NKAIN3: variants seen among roughly 807,000 people sequenced by gnomAD.
The protein encoded by NKAIN3 is sodium/potassium-transporting ATPase subunit beta-1-interacting protein 3.
Under a neutral mutation model 30.2 loss-of-function variants are expected in NKAIN3, and 25 were observed. That is an observed-to-expected ratio of 0.83 (90% confidence interval 0.60 to 1.16). The LOEUF (loss-of-function observed/expected upper bound fraction) is 1.16, where lower values mean the gene tolerates loss of function less well. NKAIN3 is among the 50% of genes most tolerant of loss of function. The pLI is 0.00. For synonymous variants in NKAIN3, 91 were observed against 89.6 expected (o/e 1.02, Z -0.09); for missense variants, 225 against 254.1 (o/e 0.89, Z 0.78).
At position 62,450,857 on chromosome 8, in the gene NKAIN3, T is replaced by C. The variant is rs553113069; in HGVS notation, c.55-128682T>C. On this transcript the variant is annotated intron_variant, in intron 1 of 6. Coordinates refer to ENST00000623646, the MANE Select transcript of NKAIN3 (RefSeq NM_001304533.3). ...AAGAATGTCTTATGTTATTGTGGTG[T>C]GATATATTTTGAACACACTTCACTA... Among the ~76,000 whole-genome samples, 33 of 152,246 alleles carry C rather than the reference T, an allele frequency of 2.2e-4. No homozygotes were observed. The Middle Eastern group carries it at 0.014, about 63-fold the overall frequency.
intron 1 of NKAIN3, among the ~76,000 whole-genome samples, chr8:62,484,577 C>A (rs1401117750): frequency 6.6e-6 from 1 of 152,190 alleles, no homozygotes; most frequent in Non-Finnish European, 1.5e-5. Flanking sequence ...TATCTCAAAT[C>A]TTCGTTTACA....
At chr8:62,290,350 G>T (rs1174812646) in intron 1 of NKAIN3, among the ~76,000 whole-genome samples, 1 of 152,100 alleles carries the variant, frequency 6.6e-6, no homozygotes, top group African/African-American at 2.4e-5. Context: ...TCCAGTTTTT[G>T]CCCATTCAGT....
chr8:62,675,595 G>A (rs1170549077), intron 3 of NKAIN3, among the ~76,000 whole-genome samples: 2 of 152,090 alleles, frequency 1.3e-5, no homozygotes, highest in Admixed American at 1.3e-4. Context: ...TGAGGGCTGG[G>A]GACTCTAAGA....
intron 4 of NKAIN3, among the ~76,000 whole-genome samples, chr8:62,849,885 T>C (rs555705265): frequency 6.6e-6 from 1 of 152,218 alleles, no homozygotes; most frequent in East Asian, 1.9e-4. Context: ...TCCAAGTCTT[T>C]GCTATTGTGA....
At chr8:62,502,226 T>G (rs1040013468) in intron 1 of NKAIN3, among the ~76,000 whole-genome samples, 1 of 152,186 alleles carries the variant, frequency 6.6e-6, no homozygotes, top group African/African-American at 2.4e-5. Flanking sequence ...TATATTTTAT[T>G]CTCCTTGCCC....
chr8:62,504,721 C>T (rs1276780269), intron 1 of NKAIN3, among the ~76,000 whole-genome samples: 4 of 152,122 alleles, frequency 2.6e-5, no homozygotes, highest in Non-Finnish European at 4.4e-5. Flanking sequence ...CTTCTTAAAA[C>T]CCTTCAGTAG....
intron 1 of NKAIN3, among the ~76,000 whole-genome samples, chr8:62,405,884 A>T (rs1015073685): frequency 1.3e-5 from 2 of 152,228 alleles, no homozygotes; most frequent in African/African-American, 4.8e-5. Context: ...TTAGAAGCTC[A>T]CTGATTTCTC....
At chr8:62,322,799 A>T (rs868509287) in intron 1 of NKAIN3, among the ~76,000 whole-genome samples, 1 of 152,318 alleles carries the variant, frequency 6.6e-6, no homozygotes, top group Middle Eastern at 3.4e-3. Flanking sequence ...AACGTAACTG[A>T]TAAAGGGCTA....
chr8:62,729,801 G>T lies in NKAIN3; in HGVS notation c.274-17131G>T, dbSNP rs974469574. On this transcript the variant is annotated intron_variant, in intron 3 of 6. Coordinates refer to ENST00000623646, the MANE Select transcript of NKAIN3 (RefSeq NM_001304533.3). ...CATTCATACAAATTCATTAATTTTTGATAGACATTTAGATGGCTTCCAATC... is the reference window on the plus strand; with the variant it reads ...CATTCATACAAATTCATTAATTTTTTATAGACATTTAGATGGCTTCCAATC... Among the ~76,000 whole-genome samples, 4 of 152,216 alleles carry T rather than the reference G, an allele frequency of 2.6e-5. No individual in the cohort carries two copies. The East Asian group carries it at 5.8e-4, about 22-fold the overall frequency.
At position 62,563,234 on chromosome 8, in the gene NKAIN3, TAGAA is replaced by T. The variant is rs570542746; in HGVS notation, c.55-16304_55-16301del. ...TTAAGGGTGCCTTTTGCATGGGAGT[TAGAA>T]GGAAGAGGAGTTAGGTTTTGGGACA... On this transcript the variant is annotated intron_variant, in intron 1 of 6. Coordinates refer to ENST00000623646, the MANE Select transcript of NKAIN3 (RefSeq NM_001304533.3). Among the ~76,000 whole-genome samples the T allele has an allele frequency of 3.1e-4, 47 of 152,254 alleles. No individual in the cohort carries two copies. The East Asian group carries it at 7.3e-3, about 24-fold the overall frequency.
At chr8:62,352,047 A>G (rs1816196573) in intron 1 of NKAIN3, among the ~76,000 whole-genome samples, 2 of 152,224 alleles carry the variant, frequency 1.3e-5, no homozygotes, top group African/African-American at 4.8e-5. Context: ...AACTGGCAAC[A>G]CTAACCAGGC....
In NKAIN3 at chr8:62,518,719, GT is replaced by G. The variant is rs1808068084; in HGVS notation, c.55-60818del. On this transcript the variant is annotated intron_variant, in intron 1 of 6. Transcript: ENST00000623646. ...CTTTTTAAAACTATGATTTTTCAAA[GT>G]TAAAAGGTGAGACAAAAAAACGAAC... Among the ~76,000 whole-genome samples the G allele has an allele frequency of 1.3e-5, 2 of 152,090 alleles. 1 individual carries two copies. Among genetic ancestry groups the G allele is most frequent in the South Asian group, 4.1e-4 (2 of 4,826 alleles).
rs77013393 is a variant in NKAIN3, at chr8:62,730,312, A to G, written c.274-16620A>G. ...AAATTCTTGCCTGTTCTGTTCATAT[A>G]TTAATTGCAAACCCCAGAACAGTGT... On this transcript the variant is annotated intron_variant, in intron 3 of 6. Transcript: ENST00000623646. Among the ~76,000 whole-genome samples the G allele has an allele frequency of 1.1e-3, 170 of 152,226 alleles. 1 individual carries two copies. The East Asian group carries it at 0.028, about 25-fold the overall frequency.
In NKAIN3 at chr8:62,917,247, C is replaced by T. The variant is rs531548400; in HGVS notation, c.472-1206C>T. On this transcript the variant is annotated intron_variant, in intron 4 of 6. Coordinates refer to ENST00000623646, the MANE Select transcript of NKAIN3 (RefSeq NM_001304533.3). The stretch of plus-strand genomic sequence containing the variant: ...ACAGCCTCTTGCCTTCTGACTCTTC[C>T]AAGTGTGAGTTGGGTGCCAAGCCCC... Among the ~76,000 whole-genome samples, 4 of 152,288 alleles carry T rather than the reference C, an allele frequency of 2.6e-5. No homozygotes were observed. In the East Asian group the frequency reaches 5.8e-4, roughly 22 times the overall value.
intron 1 of NKAIN3, among the ~76,000 whole-genome samples, chr8:62,299,680 CTG>C (rs1007415879): frequency 2.9e-4 from 44 of 152,148 alleles, no homozygotes; most frequent in African/African-American, 9.6e-4. Flanking sequence ...GAACACCTCT[CTG>C]TGTATTACCC....
At chr8:62,767,582 AG>A (rs1563553253) in intron 4 of NKAIN3, among the ~76,000 whole-genome samples, 1 of 152,016 alleles carries the variant, frequency 6.6e-6, no homozygotes, top group African/African-American at 2.4e-5. Context: ...TTCTCTTACC[AG>A]TATTATTTCT....
chr8:62,317,463 G>T (rs916304982), intron 1 of NKAIN3, among the ~76,000 whole-genome samples: 2 of 152,276 alleles, frequency 1.3e-5, no homozygotes, highest in East Asian at 3.9e-4. Context: ...TAAGGTGTGA[G>T]GAAGGGATCC....
At chr8:62,662,161 G>A (rs1006180978) in intron 3 of NKAIN3, among the ~76,000 whole-genome samples, 2 of 152,192 alleles carry the variant, frequency 1.3e-5, no homozygotes, top group Admixed American at 6.6e-5. Flanking sequence ...TGTGCTGCAC[G>A]AGAGCCCAGG....
chr8:62,891,955 G>T (rs1821309232), intron 4 of NKAIN3, among the ~76,000 whole-genome samples: 1 of 152,074 alleles, frequency 6.6e-6, no homozygotes. Context: ...AACTATTTGA[G>T]AATCCATGAC....
Sources: allele counts gnomAD v4.1 joint callset (sites outside exome capture counted in the v4.1 genomes callset), GRCh38; gene constraint gnomAD v4.1.1; transcripts MANE v1.5; gene names NCBI Gene and HGNC (gene_info 2026-07-23, HGNC 2026-07-21).